GREB1: variants seen among roughly 807,000 people sequenced by gnomAD.
GREB1 encodes protein GREB1.
Under a neutral mutation model 200.7 loss-of-function variants are expected in GREB1, and 106 were observed. The ratio of observed to expected loss-of-function variants is 0.53; its 90% CI spans 0.45 to 0.62. The LOEUF (loss-of-function observed/expected upper bound fraction) is 0.62. Among genes scored for constraint, GREB1 ranks in the 20% least tolerant of loss-of-function variants. GREB1 has a pLI of 0.00. For synonymous variants in GREB1, 1,132 were observed against 1,092.4 expected (o/e 1.04, Z -0.72); for missense variants, 2,243 against 2,556.8 (o/e 0.88, Z 2.65).
At chr2:11,586,580 AAC>A (rs1680119532) in intron 9 of GREB1, among the ~76,000 whole-genome samples, 1 of 152,244 alleles carries the variant, frequency 6.6e-6, no homozygotes, top group South Asian at 2.1e-4. Context: ...GGCACATGGC[AAC>A]ACACACATAC....
At chr2:11,484,909 A>T (rs1486587428) in intron 1 of GREB1, among the ~76,000 whole-genome samples, 1 of 152,228 alleles carries the variant, frequency 6.6e-6, no homozygotes, top group Non-Finnish European at 1.5e-5. Flanking sequence ...ACAGTGGCGC[A>T]ATCTCGGCTC....
At chr2:11,552,947 T>C (rs1388107878) in intron 1 of GREB1, among the ~76,000 whole-genome samples, 2 of 146,434 alleles carry the variant, frequency 1.4e-5, no homozygotes, top group Non-Finnish European at 3.0e-5. Flanking sequence ...GAGGCGGAGC[T>C]TGCAGTGAGT....
intron 1 of GREB1, among the ~76,000 whole-genome samples, chr2:11,543,505 A>G (rs7609384): frequency 0.68 from 102,702 of 152,048 alleles, 35,327 homozygotes; most frequent in South Asian, 0.84. Context: ...GGTTCAGAGA[A>G]GTTAGGTAAC....
At chr2:11,584,954 G>C in intron 7 of GREB1, 1 of 425,608 alleles carries the variant, frequency 2.3e-6, no homozygotes. Context: ...AAGGAGGGGT[G>C]AACCGGTCCA....
intron 17 of GREB1, among the ~76,000 whole-genome samples, chr2:11,603,212 G>A (rs1188925353): frequency 9.9e-5 from 15 of 152,164 alleles, no homozygotes; most frequent in Admixed American, 9.2e-4. Context: ...GGACCACATG[G>A]TTTATTCGTG....
upstream of GREB1, among the ~76,000 whole-genome samples, chr2:11,533,626 G>A (rs1475639786): frequency 6.6e-6 from 1 of 152,170 alleles, no homozygotes; most frequent in African/African-American, 2.4e-5. Flanking sequence ...TACACAGATT[G>A]CTACCAACAA....
chr2:11,594,541 G>C (rs1681033002), intron 11 of GREB1, among the ~76,000 whole-genome samples: 1 of 151,592 alleles, frequency 6.6e-6, no homozygotes, highest in South Asian at 2.1e-4. Flanking sequence ...TTTTAGTAGA[G>C]ATGGGGTTTC....
chr2:11,626,904 A>G lies in GREB1; in HGVS notation c.4307-58A>G, dbSNP rs916183144. On this transcript the variant is annotated intron_variant, in intron 24 of 32. Coordinates refer to ENST00000381486, the MANE Select transcript of GREB1 (RefSeq NM_014668.4). ...ATTTTTGGTTTCTGTTTGAGCAGGC[A>G]GGGGATAATGTTTGCTTTGCTCCCT... 3.2e-6 allele frequency: 5 copies of G among 1,580,920 alleles called. No homozygotes were observed. In the African/African-American group the frequency reaches 4.0e-5, roughly 13 times the overall value.
chr2:11,637,747 C>T lies in GREB1; in HGVS notation c.5378C>T (p.Ala1793Val), dbSNP rs1465527657. 6.2e-7 allele frequency: 1 copy of T among 1,613,660 alleles called. No individual in the cohort carries two copies. Among genetic ancestry groups the T allele is most frequent in the Non-Finnish European group, 8.5e-7 (1 of 1,180,032 alleles). The change falls in exon 31 of 33, where the codon GCC becomes GTC. Residue 1793 changes from alanine (A) to valine (V), a missense_variant. Transcript: ENST00000381486. Reference protein sequence around the residue: ...VSDNSAAVVPAQYICAPDSKH... With the variant: ...VSDNSAAVVPVQYICAPDSKH... Reference sequence around the variant, plus strand: ...GATAACTCTGCCGCGGTCGTGCCGGCCCAGTACATCTGTGCCCCGGACAGC... The same window carrying T: ...GATAACTCTGCCGCGGTCGTGCCGGTCCAGTACATCTGTGCCCCGGACAGC...
At chr2:11,494,615 C>T (rs530841400) in intron 1 of GREB1, among the ~76,000 whole-genome samples, 1 of 152,300 alleles carries the variant, frequency 6.6e-6, no homozygotes, top group East Asian at 1.9e-4. Context: ...GATAATCCTA[C>T]ACCTTTTTTA....
chr2:11,627,122 C>T lies in GREB1; in HGVS notation c.4449+18C>T, dbSNP rs1684528323. The T allele has an allele frequency of 1.9e-6, 3 of 1,557,734 alleles. No individual in the cohort carries two copies. Among genetic ancestry groups the T allele is most frequent in the African/African-American group, 1.4e-5 (1 of 73,024 alleles). ...GCTACCAGGTAGGCCCCAGCAGTTCCCCACCAGGCATTTCACCTTGGCTCA... is the reference window on the plus strand; with the variant it reads ...GCTACCAGGTAGGCCCCAGCAGTTCTCCACCAGGCATTTCACCTTGGCTCA... On this transcript the variant is annotated intron_variant, in intron 25 of 32. Transcript: ENST00000381486.
intron 10 of GREB1, among the ~76,000 whole-genome samples, chr2:11,590,887 G>A (rs533312132): frequency 8.5e-5 from 13 of 152,324 alleles, no homozygotes; most frequent in Non-Finnish European, 1.6e-4. Context: ...CAAGGAGAGG[G>A]GCTGATCAAC....
At chr2:11,557,362 G>A (rs1033014681) in intron 2 of GREB1, among the ~76,000 whole-genome samples, 2 of 152,200 alleles carry the variant, frequency 1.3e-5, no homozygotes, top group Admixed American at 1.3e-4. Context: ...GTGATCCATA[G>A]TATGAGATAG....
At position 11,587,315 on chromosome 2, in the gene GREB1, C is replaced by G. The variant is rs1275154682; in HGVS notation, c.1159+1410C>G. The G allele has an allele frequency of 5.2e-5, 62 of 1,196,460 alleles. No individual in the cohort carries two copies. In the South Asian group the frequency reaches 6.5e-4, roughly 13 times the overall value. 74.1% of individuals were successfully genotyped at this position (1,196,460 alleles called of 1,614,324 possible). A position where few individuals can be genotyped will look rare whatever the true frequency, so the allele number is the denominator to read the frequency against. ...CCCCCCTTGTCACTTCTCTGTCCCT[C>G]TTTTATGACAAATGTCACATACTTG... On this transcript the variant is annotated intron_variant, in intron 9 of 32. Coordinates refer to ENST00000381486, the MANE Select transcript of GREB1 (RefSeq NM_014668.4).
chr2:11,536,581 CA>C (rs1280222493), intron 1 of GREB1, among the ~76,000 whole-genome samples: 1 of 152,062 alleles, frequency 6.6e-6, no homozygotes, highest in Non-Finnish European at 1.5e-5. Flanking sequence ...AGGATTTGGC[CA>C]GGGGTAGAAG....
At chr2:11,488,579 T>G (rs1425604882) in intron 1 of GREB1, among the ~76,000 whole-genome samples, 1 of 151,844 alleles carries the variant, frequency 6.6e-6, no homozygotes, top group Non-Finnish European at 1.5e-5. Context: ...TCATCTGAGG[T>G]CAGCAGTTGG....
In GREB1 at chr2:11,483,690, GTGTGTGTGTGTGT is replaced by G. The variant is rs1672575738; in HGVS notation, c.-159+1310_-159+1322del. ...GCTTCCCCGAAGTACAAGAAGGGGT[GTGTGTGTGTGTGT>G]GTGTGTGTGTGTGTGTGTGTGTGTG... On this transcript the variant is annotated intron_variant, in intron 1 of 2. Transcript: ENST00000628795. Among the ~76,000 whole-genome samples the G allele has an allele frequency of 2.4e-3, 5 of 2,122 alleles. 1 individual carries two copies. Among genetic ancestry groups the G allele is most frequent in the African/African-American group, 4.3e-3 (5 of 1,172 alleles). 1.4% of individuals were successfully genotyped at this position (2,122 alleles called of 152,430 possible).
chr2:11,592,906 C>T lies in GREB1; in HGVS notation c.1476C>T (p.Ala492=), dbSNP rs1317212274. 2.5e-6 allele frequency: 4 copies of T among 1,590,100 alleles called. No individual in the cohort carries two copies. Among genetic ancestry groups the T allele is most frequent in the East Asian group, 2.3e-5 (1 of 43,522 alleles). Residue 492 remains alanine, a synonymous_variant, in exon 11 of 33, where the codon GCC becomes GCT. Transcript: ENST00000381486. ...PPQPFPPAPS[A]AAPVTSAQLP... ...AGCCCTTCCCGCCCGCGCCCAGCGC[C>T]GCGGCACCCGTGACCTCCGCGCAGC...
chr2:11,597,677 TG>T lies in GREB1; in HGVS notation c.1955-100del. On this transcript the variant is annotated intron_variant, in intron 13 of 32. Coordinates refer to ENST00000381486, the MANE Select transcript of GREB1 (RefSeq NM_014668.4). This position sits in a 1 kb window ranked among gnomAD's most constrained non-coding sequence, Gnocchi z 4.1. ...CCCCTTTCCCTCATCGCTTTGTGAATGGGGCCGTCTCCCCTGGACAGGTCTC... is the reference window on the plus strand; with the variant it reads ...CCCCTTTCCCTCATCGCTTTGTGAATGGGCCGTCTCCCCTGGACAGGTCTC... 1.1e-6 allele frequency: 1 copy of T among 951,278 alleles called. No individual in the cohort carries two copies. The highest frequency in any genetic ancestry group is 1.7e-6 in the Non-Finnish European group (1 of 589,986). The allele number at this position is 951,278 out of a possible 1,614,324, so 58.9% of individuals were successfully genotyped here.
Sources: allele counts gnomAD v4.1 joint callset (sites outside exome capture counted in the v4.1 genomes callset), GRCh38; gene constraint gnomAD v4.1.1; non-coding constraint Gnocchi (gnomAD v3.1); transcripts MANE v1.5; gene names NCBI Gene and HGNC (gene_info 2026-07-23, HGNC 2026-07-21).